PTPRM: variants seen among roughly 807,000 people sequenced by gnomAD.
PTPRM encodes receptor-type tyrosine-protein phosphatase mu.
In PTPRM, 47 loss-of-function variants were observed where a neutral mutation model predicts 186.7. The observed-to-expected ratio is 0.25, with a 90% CI of 0.20 to 0.32. The LOEUF is 0.32. PTPRM is among the 10% of genes least tolerant of loss of function. PTPRM has a pLI of 1.00. For synonymous variants in PTPRM, 668 were observed against 674.9 expected, an observed-to-expected ratio of 0.99 and a Z score of 0.16; for missense variants, 1,494 against 1,865.0, an observed-to-expected ratio of 0.80 and a Z score of 3.66.
At chr18:8,252,534 G>A (rs2094537583) in intron 18 of PTPRM, 35 bp downstream of exon 18, 1 of 1,529,754 alleles carries the variant, frequency 6.5e-7, no homozygotes, top group Non-Finnish European at 9.1e-7. Context: ...GAAGAGTTGT[G>A]GAGGGAGTGG....
intron 1 of PTPRM, among the ~76,000 whole-genome samples, chr18:7,725,505 T>C (rs2040529644): frequency 6.6e-6 from 1 of 151,928 alleles, no homozygotes; most frequent in South Asian, 2.1e-4. Context: ...TCCTGTTTTC[T>C]GCTCCAATGT....
At chr18:7,715,622 C>T (rs554431841) in intron 1 of PTPRM, among the ~76,000 whole-genome samples, 50 of 152,256 alleles carry the variant, frequency 3.3e-4, no homozygotes, top group African/African-American at 1.1e-3. Context: ...CATCTCAACC[C>T]GAAATCTCCT....
At chr18:8,233,444 G>A (rs142441355) in intron 14 of PTPRM, among the ~76,000 whole-genome samples, 3 of 152,200 alleles carry the variant, frequency 2.0e-5, no homozygotes, top group Non-Finnish European at 2.9e-5. Context: ...TTATATGCTC[G>A]TTTGCTATGT....
At chr18:7,868,727 T>C (rs2047837285) in intron 2 of PTPRM, among the ~76,000 whole-genome samples, 1 of 152,236 alleles carries the variant, frequency 6.6e-6, no homozygotes, top group Non-Finnish European at 1.5e-5. Flanking sequence ...TTGAGCTCTG[T>C]GCTGGGAGAT....
intron 8 of PTPRM, among the ~76,000 whole-genome samples, chr18:8,075,498 C>T (rs187919523): frequency 7.0e-4 from 107 of 152,136 alleles, no homozygotes; most frequent in African/African-American, 2.2e-3. Flanking sequence ...CATACTAGTA[C>T]ACTAAATTGT....
At chr18:7,697,334 C>A (rs1444274922) in intron 1 of PTPRM, among the ~76,000 whole-genome samples, 1 of 152,158 alleles carries the variant, frequency 6.6e-6, no homozygotes, top group Non-Finnish European at 1.5e-5. Context: ...TTAAAATGTA[C>A]CCCTTCAGGA....
intron 1 of PTPRM, among the ~76,000 whole-genome samples, chr18:7,681,998 T>C (rs1484782721): frequency 6.6e-6 from 1 of 152,204 alleles, no homozygotes; most frequent in African/African-American, 2.4e-5. Context: ...GAGCACTATA[T>C]CAGTGCTAGA....
chr18:8,242,873 T>C (rs1375633082), intron 14 of PTPRM, among the ~76,000 whole-genome samples: 1 of 152,386 alleles, frequency 6.6e-6, no homozygotes, highest in Non-Finnish European at 1.5e-5. Flanking sequence ...TTTTAAATTC[T>C]GTGTCCTAGG....
chr18:7,864,360 A>G (rs2047560119), intron 2 of PTPRM, among the ~76,000 whole-genome samples: 1 of 152,026 alleles, frequency 6.6e-6, no homozygotes, highest in Non-Finnish European at 1.5e-5. Flanking sequence ...ATCCATTTTG[A>G]GTTAATTTTT....
At chr18:7,934,825 C>T (rs1386071663) in intron 5 of PTPRM, among the ~76,000 whole-genome samples, 3 of 152,098 alleles carry the variant, frequency 2.0e-5, no homozygotes, top group South Asian at 2.1e-4. Flanking sequence ...TATGTTGTAT[C>T]GTAACCATAA....
In PTPRM at chr18:7,885,681, CT is replaced by C. The variant is rs547268819; in HGVS notation, c.197-2424del. Among the ~76,000 whole-genome samples the C allele has an allele frequency of 1.5e-3, 232 of 152,246 alleles. No individual in the cohort carries two copies. In the South Asian group the frequency reaches 0.019, roughly 12 times the overall value. On this transcript the variant is annotated intron_variant, in intron 2 of 32. Coordinates refer to ENST00000580170, the MANE Select transcript of PTPRM (RefSeq NM_001105244.2). ...ACAGGGAAAAAAGGAGGAGAAAAGA[CT>C]ATAAAAGCTAGGATCACTTGAGTAA...
intron 14 of PTPRM, among the ~76,000 whole-genome samples, chr18:8,237,194 C>G (rs1442094952): frequency 2.0e-5 from 3 of 152,184 alleles, no homozygotes; most frequent in African/African-American, 7.2e-5. Flanking sequence ...ACTCATTTCA[C>G]TTGTCTATAG....
At chr18:8,286,037 A>G (rs1267759794) in intron 19 of PTPRM, among the ~76,000 whole-genome samples, 2 of 152,200 alleles carry the variant, frequency 1.3e-5, no homozygotes, top group African/African-American at 2.4e-5. Flanking sequence ...ATGTATTTGC[A>G]TATACACGAG....
intron 1 of PTPRM, among the ~76,000 whole-genome samples, chr18:7,662,480 T>C (rs2039002615): frequency 6.6e-6 from 1 of 152,176 alleles, no homozygotes; most frequent in Non-Finnish European, 1.5e-5. Flanking sequence ...AAACTTAACA[T>C]GCTCTCACTT....
intron 1 of PTPRM, among the ~76,000 whole-genome samples, chr18:7,660,112 A>G (rs2038944301): frequency 6.6e-6 from 1 of 152,130 alleles, no homozygotes; most frequent in Non-Finnish European, 1.5e-5. Flanking sequence ...AGGCTGAGAT[A>G]GATCACTTGA....
intron 7 of PTPRM, among the ~76,000 whole-genome samples, chr18:8,066,850 G>A (rs897695590): frequency 2.6e-5 from 4 of 152,158 alleles, no homozygotes; most frequent in African/African-American, 9.7e-5. Flanking sequence ...AGGCTTAGCT[G>A]TAGTACTTGG....
At chr18:7,596,192 G>A (rs74810948) in intron 1 of PTPRM, among the ~76,000 whole-genome samples, 6,300 of 152,046 alleles carry the variant, frequency 0.041, 172 homozygotes, top group South Asian at 0.12. Context: ...ACTGTCATAC[G>A]GTGACAGTTG....
chr18:8,329,346 G>T (rs1322476318), intron 22 of PTPRM, among the ~76,000 whole-genome samples: 1 of 152,206 alleles, frequency 6.6e-6, no homozygotes, highest in African/African-American at 2.4e-5. Context: ...AAAAGTATTT[G>T]CAAACTGCAT....
chr18:8,004,298 G>A (rs867806621), intron 7 of PTPRM, among the ~76,000 whole-genome samples: 14 of 152,178 alleles, frequency 9.2e-5, no homozygotes, highest in Middle Eastern at 3.4e-3. Context: ...TTTGCAATTC[G>A]TGGATCTAGC....
Sources: allele counts gnomAD v4.1 joint callset (sites outside exome capture counted in the v4.1 genomes callset), GRCh38; gene constraint gnomAD v4.1.1; transcripts MANE v1.5; gene names NCBI Gene and HGNC (gene_info 2026-07-23, HGNC 2026-07-21).